PAQR5: variants seen among roughly 807,000 people sequenced by gnomAD.
PAQR5 encodes the protein membrane progestin receptor gamma.
Under a neutral mutation model 34.5 loss-of-function variants are expected in PAQR5, and 20 were observed. The ratio of observed to expected loss-of-function variants is 0.58; its 90% confidence interval spans 0.41 to 0.84. The LOEUF (loss-of-function observed/expected upper bound fraction) is 0.84. Among genes scored for constraint, PAQR5 ranks in the 40% least tolerant of loss-of-function variants. PAQR5 has a pLI of 0.00. For synonymous variants in PAQR5, 131 were observed against 155.6 expected (o/e 0.84, Z 1.18); for missense variants, 378 against 412.7 (o/e 0.92, Z 0.73).
At chr15:69,395,056 C>T (rs2056378749) in intron 6 of PAQR5, among the ~76,000 whole-genome samples, 1 of 152,208 alleles carries the variant, frequency 6.6e-6, no homozygotes, top group African/African-American at 2.4e-5. Context: ...CAGATTTCTT[C>T]GCGTGTAAGT....
Position 69,326,231 on chromosome 15 carries a change from G to T in PAQR5, c.-276-11110G>T, listed in dbSNP as rs147398010. Among the ~76,000 whole-genome samples the T allele has an allele frequency of 6.3e-3, 966 of 152,146 alleles. 20 individuals carry two copies. Among genetic ancestry groups the T allele is most frequent in the African/African-American group, 0.022 (918 of 41,498 alleles). ...CAGACACCTGACTTTTATCACCAGG[G>T]CTCCAAACTCCCCAAAGCTCCCAGC... is the stretch of plus-strand genomic sequence containing the variant. On this transcript the variant is annotated intron_variant, in intron 1 of 8. Transcript: ENST00000395407.
chr15:69,322,738 A>G (rs1455621330), intron 1 of PAQR5, among the ~76,000 whole-genome samples: 1,064 of 29,308 alleles, frequency 0.036, 237 homozygotes, highest in Middle Eastern at 0.06. Context: ...GAAGAAGAAG[A>G]AGAAGAAGAA....
Position 69,384,725 on chromosome 15 carries a change from G to A in PAQR5, c.228G>A (p.Lys76=), listed in dbSNP as rs2056059361. ...CTGCACTGTATATGACAGACATCAA[G>A]AATGACAGCTACTCCTGGCCCATGC... ...FVTALYMTDI[K]NDSYSWPMLV... The change falls in exon 5 of 9, where the codon AAG becomes AAA. Residue 76 remains lysine, a synonymous_variant. Coordinates refer to ENST00000395407, the MANE Select transcript of PAQR5 (RefSeq NM_017705.4). 1 of 1,613,990 alleles carries A rather than the reference G, an allele frequency of 6.2e-7. No individual in the cohort carries two copies. The highest frequency in any genetic ancestry group is 1.1e-5 in the South Asian group (1 of 91,088).
chr15:69,312,102 G>T (rs1033990434), intron 1 of PAQR5, among the ~76,000 whole-genome samples: 2 of 152,156 alleles, frequency 1.3e-5, no homozygotes, highest in Admixed American at 6.5e-5. Flanking sequence ...AAACTGCGGG[G>T]TGCAGGGGAG....
intron 2 of PAQR5, among the ~76,000 whole-genome samples, chr15:69,353,992 C>A (rs796400487): frequency 1.3e-5 from 2 of 152,132 alleles, no homozygotes; most frequent in Non-Finnish European, 2.9e-5. Flanking sequence ...CACTCCTACC[C>A]GACAACGGGA....
At chr15:69,355,304 C>A (rs1567017131) in intron 2 of PAQR5, among the ~76,000 whole-genome samples, 1 of 45,284 alleles carries the variant, frequency 2.2e-5, no homozygotes, top group Non-Finnish European at 4.1e-5. Context: ...TTCTTTCTTT[C>A]TTTCTTTCTT....
At chr15:69,326,440 T>G (rs1407790725) in intron 1 of PAQR5, among the ~76,000 whole-genome samples, 1 of 150,002 alleles carries the variant, frequency 6.7e-6, no homozygotes, top group Non-Finnish European at 1.5e-5. Context: ...CTTTGTCTTT[T>G]TTTTTTTTTT....
At chr15:69,322,463 C>T (rs1015576207) in intron 1 of PAQR5, among the ~76,000 whole-genome samples, 3 of 147,262 alleles carry the variant, frequency 2.0e-5, no homozygotes, top group African/African-American at 5.1e-5. Flanking sequence ...AGGGAGACCC[C>T]GTCTCAAAAA....
Position 69,399,996 on chromosome 15 carries a change from G to C in PAQR5, c.632G>C (p.Ser211Thr), listed in dbSNP as rs111961419. 5 of 1,614,138 alleles carry C rather than the reference G, an allele frequency of 3.1e-6. No homozygotes were observed. The highest frequency in any genetic ancestry group is 1.3e-5 in the African/African-American group (1 of 75,066). The change falls in exon 8 of 9, where the codon AGT becomes ACT. Residue 211 changes from serine to threonine, a missense_variant. Transcript: ENST00000395407. ...CAGCTATTCCTGTTCCCAGGGGAGA[G>C]TGCACAAAATGAAGCCACCTCGTAC... is the stretch of plus-strand genomic sequence containing the variant. ...FYRLFLFPGE[S>T]AQNEATSYHQ... is the part of the protein sequence containing the mutation.
Position 69,385,917 on chromosome 15 carries a change from T to TAC in PAQR5, c.385+1042_385+1043dup, listed in dbSNP as rs534274013. Among the ~76,000 whole-genome samples the TAC allele has an allele frequency of 1.9e-4, 29 of 149,116 alleles. No individual in the cohort carries two copies. The highest frequency in any genetic ancestry group is 7.2e-4 in the African/African-American group (29 of 40,312). On this transcript the variant is annotated intron_variant, in intron 5 of 8. Transcript: ENST00000395407. This position sits in a 1 kb window ranked among gnomAD's most constrained non-coding sequence, Gnocchi z 4.7. Reference sequence around the variant, plus strand: ...TTGACACACACACAATACACTCACATACACACACTCACACCACATACACAC... The same window carrying TAC: ...TTGACACACACACAATACACTCACATACACACACACTCACACCACATACACAC...
At chr15:69,353,251 T>C (rs2054972919) in intron 2 of PAQR5, among the ~76,000 whole-genome samples, 1 of 152,214 alleles carries the variant, frequency 6.6e-6, no homozygotes, top group Admixed American at 6.5e-5. Context: ...TTGCTTACAC[T>C]GGACCCCTTC....
At chr15:69,321,114 T>C (rs950717221) in intron 1 of PAQR5, among the ~76,000 whole-genome samples, 27 of 152,242 alleles carry the variant, frequency 1.8e-4, no homozygotes, top group African/African-American at 5.8e-4. Context: ...CTGTATCAGT[T>C]TCAAAACTGT....
chr15:69,366,020 C>T (rs2055392788), intron 3 of PAQR5, among the ~76,000 whole-genome samples: 1 of 152,206 alleles, frequency 6.6e-6, no homozygotes. Flanking sequence ...GTTTGTTGAA[C>T]ACAGAGTATA....
At position 69,341,927 on chromosome 15, in the gene PAQR5, CA is replaced by C. The variant is rs71149907; in HGVS notation, c.-116+4442del. ...TGGACAACAGAGTGAGACCCTGTCT[CA>C]AAAAAAAAAAAAAAACTGTTTCAGC... is the stretch of plus-strand genomic sequence containing the variant. On this transcript the variant is annotated intron_variant, in intron 2 of 8. Transcript: ENST00000395407. Among the ~76,000 whole-genome samples the C allele has an allele frequency of 3.8e-3, 518 of 135,046 alleles. 4 individuals are homozygous for C. The highest frequency in any genetic ancestry group is 0.011 in the African/African-American group (408 of 35,836). The allele number at this position is 135,046 out of a possible 152,430, so 88.6% of individuals were successfully genotyped here. A position where few individuals can be genotyped will look rare whatever the true frequency, so the allele number is the denominator to read the frequency against.
At chr15:69,386,182 CAT>C (rs1210771409) in intron 5 of PAQR5, among the ~76,000 whole-genome samples, 3 of 151,534 alleles carry the variant, frequency 2.0e-5, no homozygotes, top group African/African-American at 4.9e-5. Flanking sequence ...TATACGCACA[CAT>C]ACTCTCAGAC....
chr15:69,396,773 G>C (rs1371231309), intron 6 of PAQR5: 1 of 238,090 alleles, frequency 4.2e-6, no homozygotes, highest in East Asian at 1.2e-4. Context: ...GCCCAAGTCA[G>C]CTGAGGCCCT....
At chr15:69,312,370 G>A (rs977018952) in intron 1 of PAQR5, among the ~76,000 whole-genome samples, 5 of 152,000 alleles carry the variant, frequency 3.3e-5, no homozygotes, top group African/African-American at 9.7e-5. Flanking sequence ...CTAGATGTGT[G>A]TTCCAACCTT....
chr15:69,300,861 C>A lies in PAQR5; in HGVS notation c.-277+1805C>A, dbSNP rs1276439085. 6.6e-3 allele frequency among the ~76,000 whole-genome samples: 116 copies of A among 17,444 alleles called. 19 individuals carry two copies. Among genetic ancestry groups the A allele is most frequent in the African/African-American group, 0.018 (103 of 5,638 alleles). The allele number at this position is 17,444 out of a possible 152,430, so 11.4% of individuals were successfully genotyped here. On this transcript the variant is annotated intron_variant, in intron 1 of 8. Transcript: ENST00000395407. ...GTTCGTTTTCTTTCTTTCTTTCTTT[C>A]TTTCTTTCTTTCTTTCTTTCTTTCT...
At chr15:69,320,059 C>G (rs75966151) in intron 1 of PAQR5, among the ~76,000 whole-genome samples, 7,816 of 152,326 alleles carry the variant, frequency 0.051, 414 homozygotes, top group East Asian at 0.15. Context: ...GCAGCCAGAG[C>G]CTTCCCCGTT....
Sources: gnomAD v4.1 joint callset for allele counts (sites outside exome capture counted in the v4.1 genomes callset) on GRCh38, gnomAD v4.1.1 for gene constraint, Gnocchi (gnomAD v3.1) non-coding constraint, MANE v1.5 for transcripts, NCBI Gene and HGNC (gene_info 2026-07-23, HGNC 2026-07-21) for gene names.